RHBDL2: variants seen among roughly 807,000 people sequenced by gnomAD.
The protein encoded by RHBDL2 is rhomboid like 2, also known as rhomboid-related protein 2.
In RHBDL2, 26 loss-of-function variants were observed where a neutral mutation model predicts 31.7. That is an observed-to-expected ratio of 0.82 (90% CI 0.60 to 1.14). The LOEUF (loss-of-function observed/expected upper bound fraction) is 1.14, where lower values mean the gene tolerates loss of function less well. Among genes scored for constraint, RHBDL2 ranks in the 50% most tolerant of loss-of-function variants. The pLI, the probability that RHBDL2 is intolerant of heterozygous loss-of-function variation, is 0.00. For missense variants in RHBDL2, 336 were observed against 364.4 expected (o/e 0.92, Z 0.63); for synonymous variants, 123 against 127.2 (o/e 0.97, Z 0.22).
At chr1:38,933,217 C>T (rs190082466) in intron 1 of RHBDL2, among the ~76,000 whole-genome samples, 3 of 152,252 alleles carry the variant, frequency 2.0e-5, no homozygotes, top group Admixed American at 6.5e-5. Flanking sequence ...ACCAAATCTT[C>T]TCCTGTCTCA....
intron 4 of RHBDL2, among the ~76,000 whole-genome samples, chr1:38,904,232 A>AGG (rs1249091191): frequency 6.6e-6 from 1 of 152,148 alleles, no homozygotes; most frequent in Non-Finnish European, 1.5e-5. Flanking sequence ...GCGCTTTGGG[A>AGG]GGCCGAGGCA....
intron 5 of RHBDL2, among the ~76,000 whole-genome samples, chr1:38,894,707 C>CTTTTTTTTTTTTTTT (rs71057159): frequency 8.8e-6 from 1 of 114,192 alleles, no homozygotes; most frequent in Admixed American, 1.0e-4. Flanking sequence ...CTTTTTTTTT[C>CTTTTTTTTTTTTTTT]TTTTTTTTTT....
intron 5 of RHBDL2, among the ~76,000 whole-genome samples, chr1:38,895,136 G>A (rs889746432): frequency 2.0e-5 from 3 of 152,122 alleles, no homozygotes; most frequent in Non-Finnish European, 2.9e-5. Flanking sequence ...CTCTAAGCTG[G>A]GAGGATTTCT....
At chr1:38,903,389 C>G (rs971305277) in intron 4 of RHBDL2, among the ~76,000 whole-genome samples, 3 of 152,160 alleles carry the variant, frequency 2.0e-5, no homozygotes, top group Admixed American at 1.3e-4. Flanking sequence ...ATCCACCTGC[C>G]TCAGCCTCCC....
intron 4 of RHBDL2, among the ~76,000 whole-genome samples, chr1:38,900,749 A>T (rs936868422): frequency 1.3e-5 from 2 of 151,876 alleles, no homozygotes; most frequent in Admixed American, 6.6e-5. Flanking sequence ...AAATAAAAAT[A>T]AAAAATAAAA....
chr1:38,906,459 G>C (rs909301840), intron 4 of RHBDL2, among the ~76,000 whole-genome samples: 2 of 152,204 alleles, frequency 1.3e-5, no homozygotes, highest in Middle Eastern at 3.4e-3. Context: ...CAGATCATGA[G>C]GTCAGGAGAT....
intron 4 of RHBDL2, among the ~76,000 whole-genome samples, chr1:38,903,150 T>C (rs1305020815): frequency 1.3e-5 from 2 of 152,126 alleles, no homozygotes; most frequent in Non-Finnish European, 2.9e-5. Flanking sequence ...TATAATTTTT[T>C]TTTTTTGAGA....
At chr1:38,896,167 T>C in intron 4 of RHBDL2, 98 bp from the exon 5 acceptor site, 1 of 867,084 alleles carries the variant, frequency 1.2e-6, no homozygotes, top group Non-Finnish European at 1.8e-6. Flanking sequence ...TCTGGTCTAT[T>C]ATCACATTAG....
chr1:38,940,354 C>T lies in RHBDL2; in HGVS notation c.-126+1328G>A, dbSNP rs149267300. 6.3e-3 allele frequency among the ~76,000 whole-genome samples: 960 copies of T among 152,166 alleles called. 3 individuals are homozygous for T. The highest frequency in any genetic ancestry group is 0.011 in the Non-Finnish European group (729 of 68,004). On this transcript the variant is annotated intron_variant, in intron 1 of 7. Transcript: ENST00000372990. ...CCTGACACCTTCCCTAATCCCATGC[C>T]TATGTGGCTCTCCCTTCTTTTTTAT... is the stretch of plus-strand genomic sequence containing the variant.
intron 1 of RHBDL2, among the ~76,000 whole-genome samples, chr1:38,923,150 G>A (rs1357003041): frequency 6.6e-6 from 1 of 152,068 alleles, no homozygotes; most frequent in Non-Finnish European, 1.5e-5. Flanking sequence ...GTGGCAATGG[G>A]TGCAATGTAT....
chr1:38,935,387 A>C (rs191730120), intron 1 of RHBDL2, among the ~76,000 whole-genome samples: 65 of 152,334 alleles, frequency 4.3e-4, no homozygotes, highest in African/African-American at 1.5e-3. Flanking sequence ...TAAAACACAA[A>C]TTCTAGAGGA....
chr1:38,902,170 C>A (rs1642999256), intron 4 of RHBDL2, among the ~76,000 whole-genome samples: 1 of 149,028 alleles, frequency 6.7e-6, no homozygotes, highest in Non-Finnish European at 1.5e-5. Context: ...TGTTCTCTAA[C>A]CACAGTTTTG....
intron 1 of RHBDL2, among the ~76,000 whole-genome samples, chr1:38,939,850 C>CT (rs947436284): frequency 4.4e-4 from 66 of 149,260 alleles, no homozygotes; most frequent in South Asian, 8.5e-4. Context: ...GCCAGGACTT[C>CT]TTTTTTTTTT....
intron 4 of RHBDL2, among the ~76,000 whole-genome samples, chr1:38,909,005 G>A (rs1643105742): frequency 6.6e-6 from 1 of 152,158 alleles, no homozygotes; most frequent in Admixed American, 6.6e-5. Flanking sequence ...GGCAGCCCGG[G>A]ATCTCCTCTG....
At position 38,889,492 on chromosome 1, in the gene RHBDL2, G is replaced by C. The variant is rs1264911963; in HGVS notation, c.671-1468C>G. Among the ~76,000 whole-genome samples, 4 of 152,290 alleles carry C rather than the reference G, an allele frequency of 2.6e-5. No homozygotes were observed. In the East Asian group the frequency reaches 7.7e-4, roughly 29 times the overall value. On this transcript the variant is annotated intron_variant, in intron 6 of 7. Transcript: ENST00000372990. ...GAAGACCAGCTGGAAAAATACTATT[G>C]TAGCAATCGAAGTGAAGAAGGATGG...
At chr1:38,905,399 C>T (rs1229340957) in intron 4 of RHBDL2, among the ~76,000 whole-genome samples, 1 of 151,598 alleles carries the variant, frequency 6.6e-6, no homozygotes, top group African/African-American at 2.4e-5. Context: ...GGACTCTGCT[C>T]GATAGATTTC....
At chr1:38,897,396 G>A (rs72658091) in intron 4 of RHBDL2, among the ~76,000 whole-genome samples, 23,309 of 151,984 alleles carry the variant, frequency 0.15, 2,266 homozygotes, top group Non-Finnish European at 0.22. Context: ...CATTGCGCCC[G>A]GCCTAAACTT....
In RHBDL2 at chr1:38,938,407, T is replaced by TGAAA. The variant is rs551862725; in HGVS notation, c.-126+3274_-126+3275insTTTC. 7.5e-4 allele frequency among the ~76,000 whole-genome samples: 114 copies of TGAAA among 152,206 alleles called. 1 individual carries two copies. In the East Asian group the frequency reaches 0.019, roughly 26 times the overall value. On this transcript the variant is annotated intron_variant, in intron 1 of 7. Coordinates refer to ENST00000372990, the MANE Select transcript of RHBDL2 (RefSeq NM_017821.5). The stretch of plus-strand genomic sequence containing the variant: ...GACCTCATGACCTGAACCCTGCCTA[T>TGAAA]TTATCCACCTTCATTTCTTTCCATT...
At chr1:38,914,079 C>T (rs935393672) in intron 3 of RHBDL2, among the ~76,000 whole-genome samples, 3 of 151,150 alleles carry the variant, frequency 2.0e-5, no homozygotes, top group Admixed American at 1.3e-4. Context: ...ATCGCACCAC[C>T]GCACTCCAGC....
Sources: allele counts gnomAD v4.1 joint callset (sites outside exome capture counted in the v4.1 genomes callset), GRCh38; gene constraint gnomAD v4.1.1; transcripts MANE v1.5; gene names NCBI Gene and HGNC (gene_info 2026-07-23, HGNC 2026-07-21).